The following ABCA13 variants were observed in gnomAD, a reference collection of about 807,000 sequenced individuals.
ABCA13 encodes ATP binding cassette subfamily A member 13, also known as ATP-binding cassette sub-family A member 13.
Under a neutral mutation model 478.7 loss-of-function variants are expected in ABCA13, and 476 were observed. The observed-to-expected ratio is 0.99, with a 90% confidence interval of 0.92 to 1.07. The LOEUF (loss-of-function observed/expected upper bound fraction) is 1.07, where lower values mean the gene tolerates loss of function less well. ABCA13 is among the 50% of genes least tolerant of loss of function. ABCA13 has a pLI of 0.00. For missense variants in ABCA13, 6,060 were observed against 5,910.6 expected (o/e 1.03, Z -0.83); for synonymous variants, 2,252 against 2,158.9 (o/e 1.04, Z -1.20).
At chr7:48,474,376 A>C (rs1827850985) in intron 45 of ABCA13, among the ~76,000 whole-genome samples, 1 of 152,182 alleles carries the variant, frequency 6.6e-6, no homozygotes, top group Non-Finnish European at 1.5e-5. Context: ...GAGAGAAATT[A>C]GGTTCTCTCT....
Position 48,410,607 on chromosome 7 carries a change from G to C in ABCA13, c.12158G>C (p.Arg4053Thr), listed in dbSNP as rs1396216056. 6.2e-7 allele frequency: 1 copy of C among 1,613,930 alleles called. No homozygotes were observed. Among genetic ancestry groups the C allele is most frequent in the Admixed American group, 1.7e-5 (1 of 60,012 alleles). Residue 4053 changes from arginine (R) to threonine (T), a missense_variant, in exon 40 of 62, where the codon AGG (arginine) becomes ACG (threonine). By Grantham distance (71) the Arg-to-Thr change is moderately conservative (BLOSUM62 -1). Around this residue, in one of 3 missense-constraint regions of ABCA13, gnomAD observed 1,627 missense variants for 1,571.0 expected, o/e 1.04. Transcript: ENST00000435803. ...GCCGTCCTCCAGCATGGGAGGCTCAGGTGCTGCGGTCCTCCCTTCTGCCTG... is the reference window on the plus strand; with the variant it reads ...GCCGTCCTCCAGCATGGGAGGCTCACGTGCTGCGGTCCTCCCTTCTGCCTG... The part of the protein sequence containing the change: ...RVAVLQHGRL[R>T]CCGPPFCLKE...
rs376359730 is a variant in ABCA13, at chr7:48,276,409, A to G, written c.6743A>G (p.Glu2248Gly). 1 of 1,561,186 alleles carries G rather than the reference A, an allele frequency of 6.4e-7. No individual in the cohort carries two copies. The highest frequency in any genetic ancestry group is 8.7e-7 in the Non-Finnish European group (1 of 1,155,342). Reference protein sequence around the residue: ...INLILNHMQSETSRKTVLSLR... With the variant: ...INLILNHMQSGTSRKTVLSLR... ...CTTATCTTGAACCATATGCAGTCAG[A>G]AACTAGTAGGAAAACAGTTCTCTCT... Residue 2248 changes from glutamate to glycine, a missense_variant, in exon 17 of 62, where the codon GAA (glutamate) becomes GGA (glycine). By Grantham distance (98) the Glu-to-Gly change is moderately conservative (BLOSUM62 -2). Coordinates refer to ENST00000435803, the MANE Select transcript of ABCA13 (RefSeq NM_152701.5).
intron 23 of ABCA13, among the ~76,000 whole-genome samples, chr7:48,305,161 C>T (rs750312158): frequency 6.6e-5 from 10 of 152,184 alleles, no homozygotes; most frequent in Non-Finnish European, 1.5e-4. Flanking sequence ...TCCCAACAAC[C>T]CTTTGGAGCC....
chr7:48,290,344 G>T (rs1798335327), intron 20 of ABCA13, among the ~76,000 whole-genome samples: 1 of 152,178 alleles, frequency 6.6e-6, no homozygotes, highest in Non-Finnish European at 1.5e-5. Flanking sequence ...CACTTATCCA[G>T]CATTTCTTGA....
At chr7:48,524,506 C>A in intron 54 of ABCA13, 66 bp downstream of exon 54, 2 of 1,391,346 alleles carry the variant, frequency 1.4e-6, no homozygotes, top group Non-Finnish European at 1.9e-6. Flanking sequence ...AGCTGATCTG[C>A]TTGTGTTAGT....
At chr7:48,517,093 C>T (rs189842841) in intron 52 of ABCA13, among the ~76,000 whole-genome samples, 11 of 152,208 alleles carry the variant, frequency 7.2e-5, no homozygotes, top group Admixed American at 4.6e-4. Flanking sequence ...CAACAATTGA[C>T]GAAAAAATGT....
At chr7:48,337,219 T>C (rs1239631336) in intron 28 of ABCA13, among the ~76,000 whole-genome samples, 1 of 152,120 alleles carries the variant, frequency 6.6e-6, no homozygotes, top group Non-Finnish European at 1.5e-5. Flanking sequence ...TGCCACTAGA[T>C]GGAGTGGTTA....
intron 31 of ABCA13, among the ~76,000 whole-genome samples, chr7:48,359,697 C>T (rs1810515864): frequency 6.6e-6 from 1 of 151,922 alleles, no homozygotes; most frequent in Non-Finnish European, 1.5e-5. Flanking sequence ...AAATTTGCCT[C>T]CTCCCTGCAC....
Position 48,219,404 on chromosome 7 carries a change from C to G in ABCA13, c.338C>G (p.Ala113Gly). 6.2e-7 allele frequency: 1 copy of G among 1,612,094 alleles called. No homozygotes were observed. The change falls in exon 4 of 62, where the codon GCC becomes GGC. Residue 113 changes from alanine to glycine, a missense_variant. By Grantham distance (60) the Ala-to-Gly change is moderately conservative. Coordinates refer to ENST00000435803, the MANE Select transcript of ABCA13 (RefSeq NM_152701.5). ...AADPKKVNNLAFLKEIQDLAE... is the reference protein window; with the variant it reads ...AADPKKVNNLGFLKEIQDLAE... Reference sequence around the variant, plus strand: ...GACCCCAAGAAAGTCAACAACCTGGCCTTTTTAAAAGAGATACAAGACCTG... The same window carrying G: ...GACCCCAAGAAAGTCAACAACCTGGGCTTTTTAAAAGAGATACAAGACCTG...
rs367677371 is a variant in ABCA13 at position 48,275,145 on chromosome 7, C to T, written c.5479C>T (p.His1827Tyr). ...TTTTCCTGTGGTTTGGTGCTGGAAT[C>T]ACACAAATTCTGGATTTCGGCAGAA... Reference protein sequence around the residue: ...ACFPVVWCWNHTNSGFRQNSK... With the variant: ...ACFPVVWCWNYTNSGFRQNSK... The change falls in exon 17 of 62, where the codon CAC becomes TAC. Residue 1827 changes from histidine (H) to tyrosine (Y), a missense_variant. Physicochemically the swap from His to Tyr is moderately conservative, Grantham distance 83 (BLOSUM62 2). Around this residue, in one of 3 missense-constraint regions of ABCA13, gnomAD observed 4,423 missense variants for 4,309.1 expected, o/e 1.03. Coordinates refer to ENST00000435803, the MANE Select transcript of ABCA13 (RefSeq NM_152701.5). The T allele has an allele frequency of 1.2e-5, 20 of 1,613,754 alleles. No homozygotes were observed. The African/African-American group carries it at 2.7e-4, about 22-fold the overall frequency.
At position 48,352,284 on chromosome 7, in the gene ABCA13, C is replaced by T. The variant is rs1398508413; in HGVS notation, c.10485C>T (p.Ser3495=). 2.0e-5 allele frequency: 33 copies of T among 1,613,734 alleles called. No individual in the cohort carries two copies. The highest frequency in any genetic ancestry group is 8.8e-5 in the South Asian group (8 of 91,086). The part of the protein sequence containing the change: ...SYTIRTNVLY[S]VRTDVVKNPS... ...CAATCCGGACCAATGTGTTATACAG[C>T]GTGCGAACAGATGTGGTAAAAAACC... Residue 3495 remains serine, a synonymous_variant, in exon 31 of 62, where the codon AGC becomes AGT. Transcript: ENST00000435803.
At chr7:48,302,814 A>G (rs1359867223) in intron 23 of ABCA13, among the ~76,000 whole-genome samples, 1 of 152,164 alleles carries the variant, frequency 6.6e-6, no homozygotes, top group East Asian at 1.9e-4. Flanking sequence ...ATACATGTGT[A>G]GGTATCCTCA....
At chr7:48,496,380 A>C (rs1040077628) in intron 48 of ABCA13, among the ~76,000 whole-genome samples, 6 of 151,674 alleles carry the variant, frequency 4.0e-5, no homozygotes, top group Non-Finnish European at 8.8e-5. Context: ...TACCCTGTTT[A>C]CCTTTAAAAT....
At chr7:48,212,690 T>C (rs1355052528) in intron 3 of ABCA13, among the ~76,000 whole-genome samples, 1 of 152,224 alleles carries the variant, frequency 6.6e-6, no homozygotes, top group Non-Finnish European at 1.5e-5. Context: ...TCAGGAATGA[T>C]GTTAAGCATC....
intron 51 of ABCA13, among the ~76,000 whole-genome samples, chr7:48,513,756 G>A (rs11763395): frequency 0.36 from 54,021 of 152,028 alleles, 11,352 homozygotes; most frequent in South Asian, 0.47. Flanking sequence ...ATAAATATAA[G>A]CCAATTTCAT....
At chr7:48,567,178 A>G (rs1787152259) in intron 55 of ABCA13, among the ~76,000 whole-genome samples, 1 of 152,196 alleles carries the variant, frequency 6.6e-6, no homozygotes, top group Non-Finnish European at 1.5e-5. Flanking sequence ...ATTAAAAATT[A>G]GGCAGCTGTC....
chr7:48,635,235 A>C (rs1428249534), intron 59 of ABCA13, among the ~76,000 whole-genome samples: 4 of 152,042 alleles, frequency 2.6e-5, no homozygotes, highest in South Asian at 4.1e-4. Flanking sequence ...AAAAAAAAAA[A>C]AAACCTAAAA....
At chr7:48,468,394 T>C (rs1827124212) in intron 44 of ABCA13, among the ~76,000 whole-genome samples, 1 of 152,238 alleles carries the variant, frequency 6.6e-6, no homozygotes, top group Admixed American at 6.5e-5. Context: ...ATTTATGTTT[T>C]TGTGTTCTCC....
chr7:48,431,680 G>T (rs533382467), intron 42 of ABCA13, among the ~76,000 whole-genome samples: 2 of 152,226 alleles, frequency 1.3e-5, no homozygotes, highest in East Asian at 1.9e-4. Flanking sequence ...TGCGGGCTCT[G>T]TTAGGTACAT....
Sources: allele counts gnomAD v4.1 joint callset (sites outside exome capture counted in the v4.1 genomes callset), GRCh38; gene constraint gnomAD v4.1.1; regional missense constraint gnomAD v4.1.1; transcripts MANE v1.5; gene names NCBI Gene and HGNC (gene_info 2026-07-23, HGNC 2026-07-21).